The following TMEM138 variants were observed in gnomAD, a reference collection of about 807,000 sequenced individuals.
TMEM138 encodes transmembrane protein 138.
TMEM138 carries 9 observed loss-of-function variants against 18.1 expected under a neutral mutation model. That is an observed-to-expected ratio of 0.50 (90% CI 0.30 to 0.87). The LOEUF (loss-of-function observed/expected upper bound fraction) is 0.87, where lower values mean the gene tolerates loss of function less well. Ranked by LOEUF, TMEM138 falls within the 40% of genes least tolerant of loss-of-function variation. The pLI is 0.06. For synonymous variants in TMEM138, 79 were observed against 74.8 expected, an observed-to-expected ratio of 1.06 and a Z score of -0.29; for missense variants, 189 against 190.6, an observed-to-expected ratio of 0.99 and a Z score of 0.05.
rs748838261 is a variant in TMEM138, at chr11:61,366,054, T to C, written c.138T>C (p.Asp46=). 1 of 1,613,360 alleles carries C rather than the reference T, an allele frequency of 6.2e-7. No homozygotes were observed. The highest frequency in any genetic ancestry group is 8.5e-7 in the Non-Finnish European group (1 of 1,179,680). ...VIQLVLFIIQ[D]IAVLFNIIII... is the part of the protein sequence containing the mutation. ...TTTTTTATGTCTACAGCATCCAGGA[T>C]ATTGCAGTCCTCTTCAACATCATCA... The change falls in exon 3 of 5, where the codon GAT becomes GAC. Residue 46 remains aspartate (D), a synonymous_variant. Transcript: ENST00000278826.
At chr11:61,369,727 A>G (rs1227050251), downstream of TMEM138, among the ~76,000 whole-genome samples, 1 of 151,858 alleles carries the variant, frequency 6.6e-6, no homozygotes, top group Non-Finnish European at 1.5e-5. Context: ...CTTGGGATCC[A>G]CTGGCAGTTG....
intron 1 of TMEM138, chr11:61,363,228 A>ACTCT (rs1171506797): frequency 1.3e-5 from 2 of 151,680 alleles, no homozygotes; most frequent in African/African-American, 4.8e-5. Flanking sequence ...AGAGCGAGAC[A>ACTCT]CTCTCTCTCT....
intron 2 of TMEM138, among the ~76,000 whole-genome samples, chr11:61,365,551 G>A (rs1858114336): frequency 6.6e-6 from 1 of 152,060 alleles, no homozygotes; most frequent in African/African-American, 2.4e-5. Flanking sequence ...CAAAGTGCTG[G>A]GATTACAGGC....
At chr11:61,367,656 A>G (rs1029378685) in intron 3 of TMEM138, 1 of 392,766 alleles carries the variant, frequency 2.5e-6, no homozygotes, top group African/African-American at 2.0e-5. Context: ...TGAGATAATG[A>G]ATATATCATT....
In TMEM138 at chr11:61,368,635, G is replaced by A. The variant is rs141029883; in HGVS notation, c.415G>A (p.Val139Ile). 63 of 1,614,012 alleles carry A rather than the reference G, an allele frequency of 3.9e-5. No individual in the cohort carries two copies. The highest frequency in any genetic ancestry group is 3.2e-4 in the African/African-American group (24 of 75,032). ...LYCYFYKRTA[V>I]RLGDPHFYQD... The stretch of plus-strand genomic sequence containing the variant: ...CTGCTACTTCTATAAACGGACAGCC[G>A]TAAGACTAGGCGATCCTCACTTCTA... Residue 139 changes from valine (V) to isoleucine (I), a missense_variant, in exon 5 of 5, where the codon GTA becomes ATA. Physicochemically the swap from Val to Ile is conservative, Grantham distance 29. Transcript: ENST00000278826.
downstream of TMEM138, chr11:61,369,523 T>TA (rs1858279155): frequency 1.3e-5 from 2 of 152,222 alleles, no homozygotes; most frequent in Admixed American, 6.5e-5. Context: ...TTAAAATTCT[T>TA]ATGTCCGTAG....
At position 61,366,052 on chromosome 11, in the gene TMEM138, G is replaced by C. The variant is rs375503806; in HGVS notation, c.136G>C (p.Asp46His). The change falls in exon 3 of 5, where the codon GAT (aspartate) becomes CAT (histidine). Residue 46 changes from aspartate to histidine, a missense_variant. Coordinates refer to ENST00000278826, the MANE Select transcript of TMEM138 (RefSeq NM_016464.5). ...VIQLVLFIIQ[D>H]IAVLFNIIII... ...TTTTTTTTATGTCTACAGCATCCAG[G>C]ATATTGCAGTCCTCTTCAACATCAT... The C allele has an allele frequency of 1.9e-5, 31 of 1,613,198 alleles. No individual in the cohort carries two copies. The highest frequency in any genetic ancestry group is 3.3e-5 in the Admixed American group (2 of 59,868).
intron 4 of TMEM138, 91 bp from the exon 5 acceptor site, chr11:61,368,506 G>A (rs1173549559): frequency 4.9e-6 from 4 of 822,734 alleles, no homozygotes; most frequent in South Asian, 2.9e-5. Context: ...GATTACAGGC[G>A]TGAGCCACCA....
chr11:61,369,825 C>T (rs1462067625), downstream of TMEM138, among the ~76,000 whole-genome samples: 1 of 152,224 alleles, frequency 6.6e-6, no homozygotes. Context: ...CCTGGATCTG[C>T]TCACACGCCA....
chr11:61,366,120 T>C lies in TMEM138; in HGVS notation c.204T>C (p.Ala68=), dbSNP rs2135158047. 1 of 1,614,266 alleles carries C rather than the reference T, an allele frequency of 6.2e-7. No homozygotes were observed. The highest frequency in any genetic ancestry group is 8.5e-7 in the Non-Finnish European group (1 of 1,180,046). The change falls in exon 3 of 5, where the codon GCT becomes GCC. Residue 68 remains alanine, a synonymous_variant. Coordinates refer to ENST00000278826, the MANE Select transcript of TMEM138 (RefSeq NM_016464.5). ...LMFFNTFVFQ[A]GLVNLLFHKF... ...TCTTCAACACCTTCGTCTTCCAGGC[T>C]GGCCTGGTCAACCTCCTATTCCATA...
At position 61,368,810 on chromosome 11, in the gene TMEM138, T is replaced by C; in HGVS notation, c.*101T>C. On this transcript the variant is annotated 3_prime_UTR_variant, in exon 5 of 5. Coordinates refer to ENST00000278826, the MANE Select transcript of TMEM138 (RefSeq NM_016464.5). ...TATGCATGGGCAAACAGCTGGACTT[T>C]CCAAGGAAGGTTCAGACTAGCTGTG... The C allele has an allele frequency of 5.8e-6, 5 of 865,204 alleles. No individual in the cohort carries two copies. The highest frequency in any genetic ancestry group is 1.9e-5 in the Admixed American group (1 of 51,646). The allele number at this position is 865,204 out of a possible 1,614,324, so 53.6% of individuals were successfully genotyped here. A position where few individuals can be genotyped will look rare whatever the true frequency, so the allele number is the denominator to read the frequency against.
chr11:61,364,864 C>T (rs72929119), intron 2 of TMEM138: 11,530 of 152,410 alleles, frequency 0.076, 576 homozygotes, highest in Non-Finnish European at 0.11. Context: ...CACTGCACTC[C>T]AACCAGGTGA....
At chr11:61,368,157 A>G (rs1385148895) in intron 4 of TMEM138, 159 bp downstream of exon 4, 2 of 741,228 alleles carry the variant, frequency 2.7e-6, no homozygotes, top group Middle Eastern at 2.3e-4. Context: ...CCCTTGCTAG[A>G]AGACTATGGG....
chr11:61,365,957 A>G, intron 2 of TMEM138, 88 bp from the exon 3 acceptor site: 13 of 1,472,196 alleles, frequency 8.8e-6, no homozygotes, highest in Non-Finnish European at 1.1e-5. Flanking sequence ...AACAAAGGAC[A>G]GGCCTCGTGG....
downstream of TMEM138, among the ~76,000 whole-genome samples, chr11:61,371,908 G>A (rs1858352923): frequency 6.6e-6 from 1 of 152,168 alleles, no homozygotes; most frequent in African/African-American, 2.4e-5. Flanking sequence ...CGGGCACAGT[G>A]GCTCACACCT....
intron 1 of TMEM138, 164 bp downstream of exon 1, chr11:61,362,584 G>GTACA (rs1453085461): frequency 6.6e-6 from 1 of 152,248 alleles, no homozygotes; most frequent in Non-Finnish European, 1.5e-5. Flanking sequence ...CAAAGGGAAG[G>GTACA]CGGCAGGTAG....
In TMEM138 at chr11:61,368,626, C is replaced by T. The variant is rs750788154; in HGVS notation, c.406C>T (p.Arg136Trp). The change falls in exon 5 of 5, where the codon CGG becomes TGG. Residue 136 changes from arginine to tryptophan, a missense_variant. Transcript: ENST00000278826. Reference sequence around the variant, plus strand: ...AGTGTTGTACTGCTACTTCTATAAACGGACAGCCGTAAGACTAGGCGATCC... The same window carrying T: ...AGTGTTGTACTGCTACTTCTATAAATGGACAGCCGTAAGACTAGGCGATCC... ...AAVLYCYFYKRTAVRLGDPHF... is the reference protein window; with the variant it reads ...AAVLYCYFYKWTAVRLGDPHF... The T allele has an allele frequency of 3.5e-5, 56 of 1,613,820 alleles. No homozygotes were observed. The highest frequency in any genetic ancestry group is 4.0e-5 in the Non-Finnish European group (47 of 1,179,944).
chr11:61,367,856 T>C (rs1246221745), intron 3 of TMEM138, 67 bp from the exon 4 acceptor site: 2 of 986,058 alleles, frequency 2.0e-6, no homozygotes, highest in Non-Finnish European at 3.2e-6. Flanking sequence ...TCTCTGCAGC[T>C]AACCAAGTTG....
Position 61,369,111 on chromosome 11 carries a change from C to A in TMEM138, c.*402C>A, listed in dbSNP as rs1590630449. 2.7e-5 allele frequency: 5 copies of A among 185,910 alleles called. No homozygotes were observed. In the South Asian group the frequency reaches 4.9e-4, roughly 18 times the overall value. The allele number at this position is 185,910 out of a possible 1,614,324, so 11.5% of individuals were successfully genotyped here. Reference sequence around the variant, plus strand: ...GGATGCGAAGAGTGATAGTTACGTGCTCCTGACTGATCACACCGCAGACAT... The same window carrying A: ...GGATGCGAAGAGTGATAGTTACGTGATCCTGACTGATCACACCGCAGACAT... On this transcript the variant is annotated 3_prime_UTR_variant, in exon 5 of 5. Coordinates refer to ENST00000278826, the MANE Select transcript of TMEM138 (RefSeq NM_016464.5).
Sources: allele counts gnomAD v4.1 joint callset (sites outside exome capture counted in the v4.1 genomes callset), GRCh38; gene constraint gnomAD v4.1.1; transcripts MANE v1.5; gene names NCBI Gene and HGNC (gene_info 2026-07-23, HGNC 2026-07-21).